Variants in C7orf57 observed in about 807,000 individuals in gnomAD.
The protein encoded by C7orf57 is uncharacterized protein C7orf57.
Under a neutral mutation model 39.0 loss-of-function variants are expected in C7orf57, and 33 were observed. The ratio of observed to expected loss-of-function variants is 0.85; its 90% CI spans 0.64 to 1.13. The LOEUF is 1.13. Among genes scored for constraint, C7orf57 ranks in the 50% most tolerant of loss-of-function variants. C7orf57 has a pLI of 0.00. For missense variants in C7orf57, 346 were observed against 362.3 expected (o/e 0.95, Z 0.37); for synonymous variants, 124 against 137.1 (o/e 0.90, Z 0.67).
Position 48,035,773 on chromosome 7 carries a change from G to C in C7orf57, c.-102+143G>C. 1.7e-6 allele frequency: 1 copy of C among 584,336 alleles called. No homozygotes were observed. The highest frequency in any genetic ancestry group is 2.0e-5 in the South Asian group (1 of 49,874). The allele number at this position is 584,336 out of a possible 1,614,324, so 36.2% of individuals were successfully genotyped here. A position where few individuals can be genotyped will look rare whatever the true frequency, so the allele number is the denominator to read the frequency against. Reference sequence around the variant, plus strand: ...TTGTCGCCGGGTTGGGATGAGCACAGGGCGGGATCTCCAAGCCTGCCCAAG... The same window carrying C: ...TTGTCGCCGGGTTGGGATGAGCACACGGCGGGATCTCCAAGCCTGCCCAAG... On this transcript the variant is annotated intron_variant, in intron 1 of 8. Transcript: ENST00000348904. The surrounding 1 kb of genome is among the most constrained non-coding windows in gnomAD (Gnocchi z 4.0).
At position 48,060,470 on chromosome 7, in the gene C7orf57, T is replaced by C. The variant is rs1791261177; in HGVS notation, c.*198T>C. 2 of 446,352 alleles carry C rather than the reference T, an allele frequency of 4.5e-6. No individual in the cohort carries two copies. The highest frequency in any genetic ancestry group is 8.3e-6 in the Non-Finnish European group (2 of 239,582). The allele number at this position is 446,352 out of a possible 1,614,324, so 27.6% of individuals were successfully genotyped here. ...TTGTTTCTTGCATTTCTCTGGGATG[T>C]GAAACACTTGGCTAACAAACACAAC... On this transcript the variant is annotated 3_prime_UTR_variant, in exon 9 of 9. Transcript: ENST00000348904.
Position 48,052,889 on chromosome 7 carries a change from T to C in C7orf57, c.795T>C (p.Asp265=), listed in dbSNP as rs2686791. The change falls in exon 7 of 9, where the codon GAT becomes GAC. Residue 265 remains aspartate (D), a synonymous_variant. Coordinates refer to ENST00000348904, the MANE Select transcript of C7orf57 (RefSeq NM_001100159.3). ...EGPQDAARLQ[D]AEASEGPEDT... ...CCCAGGATGCAGCCAGGCTCCAGGA[T>C]GCAGAGGCTTCTGAAGGTCCTGAGG... 0.9 allele frequency: 1,454,921 copies of C among 1,613,744 alleles called. 658,695 individuals are homozygous for C. The highest frequency in any genetic ancestry group is 0.93 in the Non-Finnish European group (1,094,365 of 1,179,800).
intron 4 of C7orf57, 96 bp from the exon 5 acceptor site, chr7:48,046,364 G>A (rs1315491979): frequency 2.6e-5 from 29 of 1,115,676 alleles, no homozygotes; most frequent in Non-Finnish European, 3.4e-5. Flanking sequence ...GACAGAAGGA[G>A]GGAGGGAAAG....
chr7:48,041,285 C>T, intron 2 of C7orf57, 49 bp from the exon 3 acceptor site: 1 of 1,543,148 alleles, frequency 6.5e-7, no homozygotes, highest in South Asian at 1.2e-5. Context: ...GCCTAGAGGC[C>T]ACCCCGACAC....
chr7:48,053,829 G>A (rs1175223852), intron 7 of C7orf57, among the ~76,000 whole-genome samples: 3 of 152,130 alleles, frequency 2.0e-5, no homozygotes, highest in African/African-American at 7.2e-5. Context: ...TATTGACATT[G>A]TGTTCAGTAT....
In C7orf57 at chr7:48,046,481, G is replaced by A. The variant is rs751945237; in HGVS notation, c.372G>A (p.Pro124=). 5.6e-6 allele frequency: 9 copies of A among 1,613,514 alleles called. No homozygotes were observed. Among genetic ancestry groups the A allele is most frequent in the African/African-American group, 2.7e-5 (2 of 74,930 alleles). The part of the protein sequence containing the change: ...SQQEVRAVSM[P]DYMVHEEFNP... ...GCAGAGTGCGGGCTGTCTCCATGCCGGATTACATGGTTCATGAAGAATTTA... is the reference window on the plus strand; with the variant it reads ...GCAGAGTGCGGGCTGTCTCCATGCCAGATTACATGGTTCATGAAGAATTTA... The change falls in exon 5 of 9, where the codon CCG becomes CCA. Residue 124 remains proline (P), a synonymous_variant. Coordinates refer to ENST00000348904, the MANE Select transcript of C7orf57 (RefSeq NM_001100159.3).
chr7:48,057,152 T>A (rs981607144), intron 8 of C7orf57, among the ~76,000 whole-genome samples: 2 of 135,404 alleles, frequency 1.5e-5, no homozygotes, highest in Admixed American at 1.5e-4. Context: ...TTATTTTCTA[T>A]TTCTGTGAAA....
intron 2 of C7orf57, among the ~76,000 whole-genome samples, chr7:48,039,502 C>T (rs576564865): frequency 1.0e-4 from 15 of 150,646 alleles, no homozygotes; most frequent in East Asian, 2.0e-4. Flanking sequence ...AGTCAGCTGG[C>T]GGGTGGTGGG....
intron 6 of C7orf57, among the ~76,000 whole-genome samples, chr7:48,050,648 T>C (rs1353235176): frequency 6.6e-6 from 1 of 152,202 alleles, no homozygotes; most frequent in African/African-American, 2.4e-5. Flanking sequence ...TGTATTCATA[T>C]GTGTTTATAT....
In C7orf57 at chr7:48,035,633, G is replaced by A. The variant is rs1048115300; in HGVS notation, c.-102+3G>A. 2 of 681,228 alleles carry A rather than the reference G, an allele frequency of 2.9e-6. No individual in the cohort carries two copies. The highest frequency in any genetic ancestry group is 5.3e-6 in the Non-Finnish European group (2 of 374,716). The allele number at this position is 681,228 out of a possible 1,614,324, so 42.2% of individuals were successfully genotyped here. On this transcript the variant is annotated splice_donor_region_variant and intron_variant, in intron 1 of 8. Coordinates refer to ENST00000348904, the MANE Select transcript of C7orf57 (RefSeq NM_001100159.3). The surrounding 1 kb of genome is among the most constrained non-coding windows in gnomAD (Gnocchi z 4.0). ...CCACGGAGACCCGCGGGGAGCTGGT[G>A]AGCCTGAGCGGGCTGGAGGACAATG...
At chr7:48,057,269 G>A (rs1791143410) in intron 8 of C7orf57, among the ~76,000 whole-genome samples, 1 of 151,924 alleles carries the variant, frequency 6.6e-6, no homozygotes, top group Admixed American at 6.5e-5. Flanking sequence ...TGTAGGCTAT[G>A]TTTCCATTTA....
At chr7:48,049,465 T>A (rs1440797725) in intron 5 of C7orf57, among the ~76,000 whole-genome samples, 1 of 152,204 alleles carries the variant, frequency 6.6e-6, no homozygotes, top group Non-Finnish European at 1.5e-5. Flanking sequence ...CTGAGTTTCA[T>A]TGGCTGATCA....
chr7:48,043,696 T>TA, intron 4 of C7orf57, 107 bp downstream of exon 4: 1 of 854,726 alleles, frequency 1.2e-6, no homozygotes, highest in Non-Finnish European at 1.9e-6. Context: ...AAGCATGTGA[T>TA]ATGACAACTT....
At position 48,043,618 on chromosome 7, in the gene C7orf57, G is replaced by A. The variant is rs756921253; in HGVS notation, c.350+29G>A. ...AGTACCTTAAAGCACTCACATTTTT[G>A]TTTATCTTTACAGGAAAAAAATAGC... is the stretch of plus-strand genomic sequence containing the variant. On this transcript the variant is annotated intron_variant, in intron 4 of 8. Coordinates refer to ENST00000348904, the MANE Select transcript of C7orf57 (RefSeq NM_001100159.3). 1.1e-5 allele frequency: 18 copies of A among 1,567,458 alleles called. No individual in the cohort carries two copies. The South Asian group carries it at 2.0e-4, about 18-fold the overall frequency.
chr7:48,052,622 G>A, intron 6 of C7orf57, 78 bp from the exon 7 acceptor site: 4 of 1,187,796 alleles, frequency 3.4e-6, no homozygotes, highest in Non-Finnish European at 4.9e-6. Context: ...CTCCTATTTG[G>A]TGTGTTCACG....
At position 48,041,468 on chromosome 7, in the gene C7orf57, A is replaced by C; in HGVS notation, c.190A>C (p.Lys64Gln). The change falls in exon 3 of 9, where the codon AAA becomes CAA. Residue 64 changes from lysine to glutamine, a missense_variant. Coordinates refer to ENST00000348904, the MANE Select transcript of C7orf57 (RefSeq NM_001100159.3). Reference protein sequence around the residue: ...NLPGTRRYWIKETDSEYVKLA... With the variant: ...NLPGTRRYWIQETDSEYVKLA... The stretch of plus-strand genomic sequence containing the variant: ...GCCTGGGACTCGGAGATACTGGATA[A>C]AAGAAACAGATTCGGAATATGTGAA... 6.2e-7 allele frequency: 1 copy of C among 1,613,696 alleles called. No homozygotes were observed. The highest frequency in any genetic ancestry group is 8.5e-7 in the Non-Finnish European group (1 of 1,179,710).
intron 4 of C7orf57, 44 bp from the exon 5 acceptor site, chr7:48,046,416 A>C: frequency 6.4e-7 from 1 of 1,573,482 alleles, no homozygotes; most frequent in South Asian, 1.2e-5. Flanking sequence ...AGGGAGTGGA[A>C]ATGGCTCTGA....
chr7:48,051,608 GAT>G (rs1003544573), intron 6 of C7orf57, among the ~76,000 whole-genome samples: 12 of 151,226 alleles, frequency 7.9e-5, no homozygotes, highest in African/African-American at 2.9e-4. Context: ...AAAGTGCTGG[GAT>G]TACAGGTATG....
chr7:48,036,139 G>A (rs1790349380), intron 1 of C7orf57, 69 bp from the exon 2 acceptor site: 4 of 691,218 alleles, frequency 5.8e-6, no homozygotes, highest in Non-Finnish European at 7.9e-6. Context: ...ATCGTAAGGC[G>A]CCTGCAGGCG....
Sources: gnomAD v4.1 joint callset for allele counts (sites outside exome capture counted in the v4.1 genomes callset) on GRCh38, gnomAD v4.1.1 for gene constraint, Gnocchi (gnomAD v3.1) non-coding constraint, MANE v1.5 for transcripts, NCBI Gene and HGNC (gene_info 2026-07-23, HGNC 2026-07-21) for gene names.